CCSER1: variants seen among roughly 807,000 people sequenced by gnomAD.
The protein encoded by CCSER1 is serine-rich coiled-coil domain-containing protein 1.
In CCSER1, 41 loss-of-function variants were observed where a neutral mutation model predicts 82.0. That is an observed-to-expected ratio of 0.50 (90% CI 0.39 to 0.65). CCSER1 has a LOEUF of 0.65. Among genes scored for constraint, CCSER1 ranks in the 30% least tolerant of loss-of-function variants. The pLI is 0.00. For synonymous variants in CCSER1, 414 were observed against 383.9 expected (o/e 1.08, Z -0.92); for missense variants, 1,119 against 1,064.2 (o/e 1.05, Z -0.72).
At chr4:90,989,023 C>A (rs1736811064) in intron 9 of CCSER1, among the ~76,000 whole-genome samples, 1 of 151,666 alleles carries the variant, frequency 6.6e-6, no homozygotes, top group African/African-American at 2.4e-5. Flanking sequence ...ATACATTCAC[C>A]AAGAATTCCA....
intron 10 of CCSER1, among the ~76,000 whole-genome samples, chr4:91,116,110 GT>G (rs1370928294): frequency 6.6e-6 from 1 of 151,738 alleles, no homozygotes; most frequent in Non-Finnish European, 1.5e-5. Flanking sequence ...GCAGTGTTTG[GT>G]TTTTTGCCCT....
At chr4:91,317,768 G>GA (rs1384414860) in intron 10 of CCSER1, among the ~76,000 whole-genome samples, 1 of 151,896 alleles carries the variant, frequency 6.6e-6, no homozygotes, top group Non-Finnish European at 1.5e-5. Context: ...CACTTGACAC[G>GA]ATGCTTTCCC....
intron 10 of CCSER1, among the ~76,000 whole-genome samples, chr4:91,571,690 T>C (rs1560772474): frequency 6.6e-6 from 1 of 152,124 alleles, no homozygotes; most frequent in African/African-American, 2.4e-5. Context: ...GAAACTATTA[T>C]AGAATTCAAG....
At chr4:90,638,264 TGTG>T (rs963834495) in intron 6 of CCSER1, among the ~76,000 whole-genome samples, 2 of 152,150 alleles carry the variant, frequency 1.3e-5, no homozygotes, top group African/African-American at 2.4e-5. Flanking sequence ...TCTCAAATCA[TGTG>T]GTTGTTGCAC....
intron 8 of CCSER1, among the ~76,000 whole-genome samples, chr4:90,845,359 T>TAAA (rs886923723): frequency 9.3e-5 from 9 of 96,558 alleles, no homozygotes; most frequent in Non-Finnish European, 1.0e-4. Context: ...AGACGCCATC[T>TAAA]AAAAAAAAAA....
At chr4:90,474,139 C>CAA (rs113535187) in intron 5 of CCSER1, among the ~76,000 whole-genome samples, 17,205 of 101,776 alleles carry the variant, frequency 0.17, 1,529 homozygotes, top group East Asian at 0.39. Flanking sequence ...GATTCCCTCT[C>CAA]AAAAAAAAAA....
chr4:90,408,115 GT>G, intron 4 of CCSER1, among the ~76,000 whole-genome samples: 1 of 152,346 alleles, frequency 6.6e-6, no homozygotes, highest in South Asian at 2.1e-4. Flanking sequence ...CCAGGCTTGA[GT>G]AGCTAAACAG....
chr4:91,571,552 T>TAA (rs1763184974), intron 10 of CCSER1, among the ~76,000 whole-genome samples: 2 of 152,066 alleles, frequency 1.3e-5, no homozygotes, highest in African/African-American at 4.8e-5. Context: ...GCCAGCAGGG[T>TAA]AAATGCCAGA....
At chr4:90,462,452 A>G (rs949630555) in intron 4 of CCSER1, among the ~76,000 whole-genome samples, 1 of 152,196 alleles carries the variant, frequency 6.6e-6, no homozygotes. Context: ...ACCTAGGATA[A>G]TATCACTTAA....
intron 10 of CCSER1, among the ~76,000 whole-genome samples, chr4:91,386,908 T>C (rs1001515341): frequency 2.2e-4 from 34 of 151,920 alleles, no homozygotes; most frequent in African/African-American, 7.7e-4. Flanking sequence ...AATGTAAATA[T>C]CATGATAGAA....
chr4:90,753,144 G>C (rs1268019858), intron 7 of CCSER1, among the ~76,000 whole-genome samples: 5 of 152,134 alleles, frequency 3.3e-5, no homozygotes, highest in South Asian at 2.1e-4. Flanking sequence ...ACAAAGAACA[G>C]TAAATTTATA....
At position 91,604,056 on chromosome 4, in the gene CCSER1, A is replaced by T. The variant is rs1764895448; in HGVS notation, c.*4999A>T. On this transcript the variant is annotated 3_prime_UTR_variant, in exon 11 of 11. Coordinates refer to ENST00000509176, the MANE Select transcript of CCSER1 (RefSeq NM_001145065.2). ...AGTTTATAGCACTCATTTTCAGGTCAAAGAGCCCACTTCCCTAATCACATA... is the reference window on the plus strand; with the variant it reads ...AGTTTATAGCACTCATTTTCAGGTCTAAGAGCCCACTTCCCTAATCACATA... The T allele has an allele frequency of 6.6e-6, 1 of 152,142 alleles. No homozygotes were observed. The highest frequency in any genetic ancestry group is 2.4e-5 in the African/African-American group (1 of 41,458). The allele number at this position is 152,142 out of a possible 1,614,324, so 9.4% of individuals were successfully genotyped here.
At chr4:90,983,082 C>G (rs1039208960) in intron 9 of CCSER1, among the ~76,000 whole-genome samples, 1 of 151,766 alleles carries the variant, frequency 6.6e-6, no homozygotes, top group Admixed American at 6.6e-5. Flanking sequence ...TACCCTGCCT[C>G]CAGCACAGAG....
At chr4:91,540,154 A>G (rs1761513355) in intron 10 of CCSER1, among the ~76,000 whole-genome samples, 1 of 152,062 alleles carries the variant, frequency 6.6e-6, no homozygotes, top group South Asian at 2.1e-4. Context: ...TGGTTCCTCT[A>G]CTAGCACAGC....
chr4:90,993,371 C>T (rs555103424), intron 9 of CCSER1, among the ~76,000 whole-genome samples: 1 of 152,064 alleles, frequency 6.6e-6, no homozygotes, highest in Non-Finnish European at 1.5e-5. Flanking sequence ...AAAAAGCTTC[C>T]AGATGATTTA....
intron 10 of CCSER1, among the ~76,000 whole-genome samples, chr4:91,316,812 A>T (rs187414204): frequency 2.6e-5 from 4 of 152,042 alleles, no homozygotes; most frequent in African/African-American, 4.8e-5. Flanking sequence ...TATCTCCTTC[A>T]GTGTAAAATA....
At chr4:90,926,321 G>A (rs1209689835) in intron 9 of CCSER1, among the ~76,000 whole-genome samples, 1 of 151,732 alleles carries the variant, frequency 6.6e-6, no homozygotes, top group Non-Finnish European at 1.5e-5. Flanking sequence ...ATACTCTTTT[G>A]TTTTCTTCTT....
intron 3 of CCSER1, among the ~76,000 whole-genome samples, chr4:90,356,563 T>C (rs1288867316): frequency 1.4e-4 from 22 of 151,758 alleles, no homozygotes; most frequent in Admixed American, 1.4e-3. Flanking sequence ...ATTTTCTTTA[T>C]CTACAAAATC....
chr4:90,781,296 CTG>C, intron 7 of CCSER1: 3 of 984,926 alleles, frequency 3.0e-6, no homozygotes, highest in Non-Finnish European at 3.6e-6. Context: ...GAAACAGACA[CTG>C]TGCTGAGCTC....
Sources: allele counts gnomAD v4.1 joint callset (sites outside exome capture counted in the v4.1 genomes callset), GRCh38; gene constraint gnomAD v4.1.1; transcripts MANE v1.5; gene names NCBI Gene and HGNC (gene_info 2026-07-23, HGNC 2026-07-21).